Variants in RFWD3 observed in about 807,000 individuals in gnomAD.
RFWD3 encodes the protein E3 ubiquitin-protein ligase RFWD3.
RFWD3 carries 65 observed loss-of-function variants against 87.7 expected under a neutral mutation model. That is an observed-to-expected ratio of 0.74 (90% CI 0.61 to 0.91). The LOEUF (loss-of-function observed/expected upper bound fraction) is 0.91. Among genes scored for constraint, RFWD3 ranks in the 40% least tolerant of loss-of-function variants. The pLI is 0.00. For missense variants in RFWD3, 1,078 were observed against 938.5 expected (o/e 1.15, Z -1.94); for synonymous variants, 433 against 352.8 (o/e 1.23, Z -2.55).
chr16:74,652,723 A>AT (rs1960659172), intron 2 of RFWD3, among the ~76,000 whole-genome samples: 1 of 152,208 alleles, frequency 6.6e-6, no homozygotes, highest in Non-Finnish European at 1.5e-5. Context: ...CACTCCAAAT[A>AT]TATCTTGGCT....
intron 2 of RFWD3, among the ~76,000 whole-genome samples, chr16:74,652,499 C>T (rs1332256462): frequency 6.6e-6 from 1 of 152,100 alleles, no homozygotes; most frequent in Non-Finnish European, 1.5e-5. Flanking sequence ...CCAAATATGG[C>T]CTCATGGGAT....
In RFWD3 at chr16:74,621,544, C is replaced by T. The variant is rs1958767636; in HGVS notation, c.*2384G>A. The T allele has an allele frequency of 6.6e-6, 1 of 152,158 alleles. No individual in the cohort carries two copies. Among genetic ancestry groups the T allele is most frequent in the Non-Finnish European group, 1.5e-5 (1 of 68,036 alleles). 9.4% of individuals were successfully genotyped at this position (152,158 alleles called of 1,614,324 possible). ...GACAAGACATTTTGAGTTCGTTTAA[C>T]TCCAAATCCTCAAGTGGGGAAAAAA... is the stretch of plus-strand genomic sequence containing the variant. On this transcript the variant is annotated 3_prime_UTR_variant, in exon 13 of 13. Coordinates refer to ENST00000361070, the MANE Select transcript of RFWD3 (RefSeq NM_018124.4).
chr16:74,641,972 CA>C (rs1959696158), intron 6 of RFWD3, among the ~76,000 whole-genome samples: 1 of 141,026 alleles, frequency 7.1e-6, no homozygotes, highest in Non-Finnish European at 1.6e-5. Flanking sequence ...AACCAAAAAC[CA>C]AAACAAAACT....
rs1958976738 is a variant in RFWD3, at chr16:74,627,689, G to A, written c.1969+763C>T. On this transcript the variant is annotated intron_variant, in intron 11 of 12. Coordinates refer to ENST00000361070, the MANE Select transcript of RFWD3 (RefSeq NM_018124.4). Reference sequence around the variant, plus strand: ...CAAGGGTACCTGCCAGTACAAACAAGTTTCCTGTGAGAGGGACATCTGGTC... The same window carrying A: ...CAAGGGTACCTGCCAGTACAAACAAATTTCCTGTGAGAGGGACATCTGGTC... 2.0e-5 allele frequency among the ~76,000 whole-genome samples: 3 copies of A among 152,202 alleles called. No individual in the cohort carries two copies. In the South Asian group the frequency reaches 6.2e-4, roughly 31 times the overall value.
intron 8 of RFWD3, among the ~76,000 whole-genome samples, chr16:74,635,492 G>A (rs540758662): frequency 1.3e-5 from 2 of 151,362 alleles, no homozygotes; most frequent in South Asian, 2.1e-4. Context: ...AATCAACAAG[G>A]TAACAGAAAT....
chr16:74,646,169 G>A (rs954544724), intron 4 of RFWD3, among the ~76,000 whole-genome samples: 8 of 151,294 alleles, frequency 5.3e-5, no homozygotes, highest in African/African-American at 1.9e-4. Flanking sequence ...GAGCTCAGGA[G>A]TTTGAAACCA....
intron 1 of RFWD3, chr16:74,665,360 G>C (rs975216428): frequency 6.6e-6 from 1 of 152,264 alleles, no homozygotes; most frequent in Non-Finnish European, 1.5e-5. Context: ...GCCGAGGGCA[G>C]ACCACTTGAG....
At chr16:74,655,672 T>C (rs919036329) in intron 2 of RFWD3, among the ~76,000 whole-genome samples, 1 of 151,838 alleles carries the variant, frequency 6.6e-6, no homozygotes, top group African/African-American at 2.4e-5. Flanking sequence ...CAGGCTGCAG[T>C]GCAGTGGCGC....
Position 74,636,338 on chromosome 16 carries a change from C to T in RFWD3, c.1426+8G>A. On this transcript the variant is annotated splice_region_variant and intron_variant, in intron 8 of 12. Transcript: ENST00000361070. ...AGAACATGAAAGCTGAGGTTCTAGA[C>T]TCTTTACCTGGAAGAAAAGAGGCCT... 2 of 1,612,020 alleles carry T rather than the reference C, an allele frequency of 1.2e-6. No homozygotes were observed. Among genetic ancestry groups the T allele is most frequent in the Non-Finnish European group, 8.5e-7 (1 of 1,178,054 alleles).
intron 11 of RFWD3, among the ~76,000 whole-genome samples, chr16:74,627,065 G>C (rs1656602794): frequency 6.6e-6 from 1 of 152,206 alleles, no homozygotes; most frequent in Non-Finnish European, 1.5e-5. Context: ...TTGTACACCA[G>C]TCACAACAAA....
At chr16:74,651,734 G>C (rs1038681830) in intron 3 of RFWD3, among the ~76,000 whole-genome samples, 186 bp downstream of exon 3, 1 of 152,198 alleles carries the variant, frequency 6.6e-6, no homozygotes, top group Non-Finnish European at 1.5e-5. Flanking sequence ...ACATTAAGCT[G>C]TAAGTCAGAT....
rs145324335 is a variant in RFWD3, at chr16:74,660,960, C to T, written c.490G>A (p.Gly164Arg). The change falls in exon 2 of 13, where the codon GGA (glycine) becomes AGA (arginine). Residue 164 changes from glycine to arginine, a missense_variant. Gly to Arg is a moderately radical substitution (Grantham distance 125). Transcript: ENST00000361070. ...RVSASRRARAGGSQRTDSARL... is the reference protein window; with the variant it reads ...RVSASRRARARGSQRTDSARL... ...GCACTGTCTGTCCTCTGAGACCCTC[C>T]GGCTCTTGCCCTCCGTGAAGCAGAT... 84 of 1,613,742 alleles carry T rather than the reference C, an allele frequency of 5.2e-5. No homozygotes were observed. The highest frequency in any genetic ancestry group is 3.3e-4 in the Middle Eastern group (2 of 6,082).
chr16:74,663,598 C>G (rs1368099976), intron 1 of RFWD3, among the ~76,000 whole-genome samples: 1 of 152,182 alleles, frequency 6.6e-6, no homozygotes, highest in Non-Finnish European at 1.5e-5. Context: ...CTCTCCACTC[C>G]AGTCATTCCT....
chr16:74,652,443 G>A (rs1308790417), intron 2 of RFWD3, among the ~76,000 whole-genome samples: 5 of 152,072 alleles, frequency 3.3e-5, no homozygotes, highest in Non-Finnish European at 7.4e-5. Flanking sequence ...CTGGTATTAG[G>A]TGGCTGAAAA....
intron 7 of RFWD3, among the ~76,000 whole-genome samples, chr16:74,637,394 A>AG (rs1252346079): frequency 6.6e-6 from 1 of 152,192 alleles, no homozygotes; most frequent in Non-Finnish European, 1.5e-5. Context: ...TGGGAAGCCA[A>AG]GGCAGGCGGA....
intron 10 of RFWD3, among the ~76,000 whole-genome samples, chr16:74,629,374 T>C (rs1402785547): frequency 1.3e-5 from 2 of 152,192 alleles, no homozygotes; most frequent in East Asian, 1.9e-4. Flanking sequence ...ACTTGCTGTG[T>C]TTGGCTGGGC....
At chr16:74,654,629 C>T (rs1372598451) in intron 2 of RFWD3, among the ~76,000 whole-genome samples, 5 of 152,144 alleles carry the variant, frequency 3.3e-5, no homozygotes, top group African/African-American at 1.2e-4. Flanking sequence ...CACTTTAAAT[C>T]ACTAAGCTAA....
chr16:74,644,527 C>G lies in RFWD3; in HGVS notation c.987+14G>C. 1 of 1,614,140 alleles carries G rather than the reference C, an allele frequency of 6.2e-7. No individual in the cohort carries two copies. The highest frequency in any genetic ancestry group is 8.5e-7 in the Non-Finnish European group (1 of 1,179,976). Reference sequence around the variant, plus strand: ...GACTTAACATGTTAATGTGTCCTTACCTATGGTCCTTACCTGGGGACATTT... The same window carrying G: ...GACTTAACATGTTAATGTGTCCTTAGCTATGGTCCTTACCTGGGGACATTT... On this transcript the variant is annotated intron_variant, in intron 5 of 12. Coordinates refer to ENST00000361070, the MANE Select transcript of RFWD3 (RefSeq NM_018124.4).
At chr16:74,646,393 C>T (rs1960147532) in intron 4 of RFWD3, among the ~76,000 whole-genome samples, 2 of 152,232 alleles carry the variant, frequency 1.3e-5, no homozygotes, top group South Asian at 4.2e-4. Flanking sequence ...TTCAGTGTAG[C>T]ATGATTTATA....
Sources: allele counts gnomAD v4.1 joint callset (sites outside exome capture counted in the v4.1 genomes callset), GRCh38; gene constraint gnomAD v4.1.1; transcripts MANE v1.5; gene names NCBI Gene and HGNC (gene_info 2026-07-23, HGNC 2026-07-21).